The following CEP85L variants were observed in gnomAD, a reference collection of about 807,000 sequenced individuals.
The protein encoded by CEP85L is centrosomal protein 85L.
A neutral mutation model predicts 100.3 loss-of-function variants in CEP85L; 60 were observed. That is an observed-to-expected ratio of 0.60 (90% CI 0.49 to 0.74). The LOEUF (loss-of-function observed/expected upper bound fraction) is 0.74. Ranked by LOEUF, CEP85L falls within the 30% of genes least tolerant of loss-of-function variation. The pLI, the probability that CEP85L is intolerant of heterozygous loss-of-function variation, is 0.00. For missense variants in CEP85L, 973 were observed against 936.2 expected (o/e 1.04, Z -0.51); for synonymous variants, 319 against 322.7 (o/e 0.99, Z 0.12).
At position 118,465,304 on chromosome 6, in the gene CEP85L, T is replaced by A; in HGVS notation, c.*101A>T. 3 of 1,066,678 alleles carry A rather than the reference T, an allele frequency of 2.8e-6. No individual in the cohort carries two copies. Among genetic ancestry groups the A allele is most frequent in the Non-Finnish European group, 3.9e-6 (3 of 771,196 alleles). The allele number at this position is 1,066,678 out of a possible 1,614,324, so 66.1% of individuals were successfully genotyped here. On this transcript the variant is annotated 3_prime_UTR_variant, in exon 13 of 13. Transcript: ENST00000368491. The stretch of plus-strand genomic sequence containing the variant: ...ACAAAACAAATCCACAGAAAAAAAA[T>A]CCCTAAGTGCAAGTCATGTCACTTG...
chr6:118,688,141 C>A (rs1256701088), intron 1 of CEP85L, among the ~76,000 whole-genome samples: 1 of 152,098 alleles, frequency 6.6e-6, no homozygotes, highest in Non-Finnish European at 1.5e-5. Context: ...CGCAAGGACC[C>A]CCCAGTAACA....
At chr6:118,471,526 A>T (rs1772952431) in intron 10 of CEP85L, among the ~76,000 whole-genome samples, 1 of 151,984 alleles carries the variant, frequency 6.6e-6, no homozygotes, top group Non-Finnish European at 1.5e-5. Context: ...TTTTCCTCAC[A>T]TTATCTTTGG....
chr6:118,620,948 C>T (rs1010252372), intron 2 of CEP85L, among the ~76,000 whole-genome samples: 5 of 152,116 alleles, frequency 3.3e-5, no homozygotes, highest in South Asian at 2.1e-4. Flanking sequence ...TACACGAATA[C>T]GGGGGACAAA....
At chr6:118,480,060 T>C (rs1773665132) in intron 9 of CEP85L, 139 bp from the exon 10 acceptor site, 2 of 559,788 alleles carry the variant, frequency 3.6e-6, no homozygotes, top group East Asian at 3.3e-5. Context: ...AGTATCCTTA[T>C]GATTTGGGTC....
intron 2 of CEP85L, among the ~76,000 whole-genome samples, chr6:118,601,958 C>T (rs1423399258): frequency 1.3e-5 from 2 of 152,146 alleles, no homozygotes; most frequent in Non-Finnish European, 2.9e-5. Flanking sequence ...GTGCCTTAAC[C>T]GTCTGGGAAT....
At chr6:118,562,139 G>C (rs1779260053) in intron 3 of CEP85L, among the ~76,000 whole-genome samples, 1 of 152,088 alleles carries the variant, frequency 6.6e-6, no homozygotes, top group Non-Finnish European at 1.5e-5. Flanking sequence ...TCCTAATATA[G>C]GGAGTGTCAT....
chr6:118,525,338 A>ATTTTCC lies in CEP85L; in HGVS notation c.1021-1419_1021-1418insGGAAAA, dbSNP rs1776904593. Among the ~76,000 whole-genome samples, 3 of 152,238 alleles carry ATTTTCC rather than the reference A, an allele frequency of 2.0e-5. No homozygotes were observed. The South Asian group carries it at 6.2e-4, about 31-fold the overall frequency. ...AAACATTTAAAAATATTGGTGTTAT[A>ATTTTCC]GGTTTGACTGTATTCCTTAAAAAGA... On this transcript the variant is annotated intron_variant, in intron 3 of 12. Transcript: ENST00000368491.
intron 1 of CEP85L, among the ~76,000 whole-genome samples, chr6:118,686,043 G>A (rs1460929255): frequency 6.6e-6 from 1 of 152,186 alleles, no homozygotes; most frequent in African/African-American, 2.4e-5. Flanking sequence ...CCCAAAGTGG[G>A]CCACTGGGTG....
At chr6:118,688,348 C>G (rs1256499941) in intron 1 of CEP85L, among the ~76,000 whole-genome samples, 1 of 152,152 alleles carries the variant, frequency 6.6e-6, no homozygotes, top group Non-Finnish European at 1.5e-5. Flanking sequence ...TGCTTGCTGT[C>G]TCCCAAACAG....
intron 3 of CEP85L, among the ~76,000 whole-genome samples, chr6:118,536,057 T>C (rs982515674): frequency 6.6e-6 from 1 of 152,030 alleles, no homozygotes; most frequent in South Asian, 2.1e-4. Context: ...TCAACAACAG[T>C]AGAAGCAAAA....
chr6:118,529,460 T>C (rs931265287), intron 3 of CEP85L, among the ~76,000 whole-genome samples: 1 of 151,604 alleles, frequency 6.6e-6, no homozygotes, highest in African/African-American at 2.4e-5. Context: ...ACAAAAAAAT[T>C]AGCTGTGCAT....
At chr6:118,576,968 T>C (rs1220355199) in intron 2 of CEP85L, among the ~76,000 whole-genome samples, 1 of 152,208 alleles carries the variant, frequency 6.6e-6, no homozygotes, top group Non-Finnish European at 1.5e-5. Flanking sequence ...TTCCACTTGA[T>C]TGATCCTCTG....
At chr6:118,633,831 T>C (rs1416971731) in intron 1 of CEP85L, among the ~76,000 whole-genome samples, 5 of 152,222 alleles carry the variant, frequency 3.3e-5, no homozygotes, top group Admixed American at 2.6e-4. Flanking sequence ...CCTAATACAG[T>C]AAGTCTCAAT....
chr6:118,600,302 TGTGTGTG>T (rs1781691658), intron 2 of CEP85L, among the ~76,000 whole-genome samples: 2 of 16,966 alleles, frequency 1.2e-4, no homozygotes, highest in African/African-American at 3.7e-4. Context: ...TTCCTGGGGG[TGTGTGTG>T]TGTGTGTGTG....
intron 7 of CEP85L, among the ~76,000 whole-genome samples, chr6:118,482,270 G>A (rs1773847515): frequency 6.6e-6 from 1 of 152,080 alleles, no homozygotes; most frequent in Non-Finnish European, 1.5e-5. Context: ...ACAGGTTGAG[G>A]TTAAGTACAT....
chr6:118,661,337 G>A (rs1014610406), intron 1 of CEP85L, among the ~76,000 whole-genome samples: 1 of 152,156 alleles, frequency 6.6e-6, no homozygotes, highest in Non-Finnish European at 1.5e-5. Flanking sequence ...GCACACGAGA[G>A]TAGATTAGAA....
At chr6:118,628,204 C>T (rs1255908785) in intron 2 of CEP85L, among the ~76,000 whole-genome samples, 4 of 152,030 alleles carry the variant, frequency 2.6e-5, no homozygotes, top group Non-Finnish European at 5.9e-5. Context: ...AGAAATAGAG[C>T]AAGCTTCAGG....
At chr6:118,517,100 G>A (rs1019267007) in intron 4 of CEP85L, among the ~76,000 whole-genome samples, 2 of 151,822 alleles carry the variant, frequency 1.3e-5, no homozygotes, top group African/African-American at 2.4e-5. Context: ...TGTTCCATTC[G>A]TCTATCTGTC....
Position 118,465,273 on chromosome 6 carries a change from C to A in CEP85L, c.*132G>T. On this transcript the variant is annotated 3_prime_UTR_variant, in exon 13 of 13. Transcript: ENST00000368491. ...CAAAATCTCTTCACTTCCCTTCTCC[C>A]CTTCAACAAAACAAATCCACAGAAA... 1.3e-6 allele frequency: 1 copy of A among 746,508 alleles called. No homozygotes were observed. 46.2% of individuals were successfully genotyped at this position (746,508 alleles called of 1,614,324 possible).
Sources: allele counts gnomAD v4.1 joint callset (sites outside exome capture counted in the v4.1 genomes callset), GRCh38; gene constraint gnomAD v4.1.1; transcripts MANE v1.5; gene names NCBI Gene and HGNC (gene_info 2026-07-23, HGNC 2026-07-21).